Variants in AGO3 observed in about 807,000 individuals in gnomAD.
AGO3 encodes argonaute RISC catalytic component 3.
In AGO3, 16 loss-of-function variants were observed where a neutral mutation model predicts 105.5. That is an observed-to-expected ratio of 0.15 (90% confidence interval 0.10 to 0.23). The LOEUF (loss-of-function observed/expected upper bound fraction) is 0.23, where lower values mean the gene tolerates loss of function less well. Among genes scored for constraint, AGO3 ranks in the 10% least tolerant of loss-of-function variants. The probability of loss-of-function intolerance (pLI) is 1.00; values close to 1 mark genes in which losing one functional copy is unlikely to be tolerated. For missense variants in AGO3, 534 were observed against 1,088.0 expected, an observed-to-expected ratio of 0.49 and a Z score of 7.16; for synonymous variants, 340 against 367.3, an observed-to-expected ratio of 0.93 and a Z score of 0.85.
At chr1:35,991,347 T>C (rs1647631030) in intron 5 of AGO3, among the ~76,000 whole-genome samples, 1 of 152,012 alleles carries the variant, frequency 6.6e-6, no homozygotes, top group African/African-American at 2.4e-5. Flanking sequence ...CTTCATGAGA[T>C]CTGTCTCTTG....
intron 2 of AGO3, among the ~76,000 whole-genome samples, chr1:35,956,679 C>T (rs1349703475): frequency 6.8e-6 from 1 of 146,928 alleles, no homozygotes; most frequent in Non-Finnish European, 1.5e-5. Flanking sequence ...CTCGCTCTGT[C>T]GCCCAGGTTG....
At chr1:35,984,201 G>T (rs553078683) in intron 5 of AGO3, among the ~76,000 whole-genome samples, 2 of 152,272 alleles carry the variant, frequency 1.3e-5, no homozygotes, top group African/African-American at 2.4e-5. Context: ...GGGCACAGGG[G>T]CTCACGCCTG....
intron 3 of AGO3, among the ~76,000 whole-genome samples, chr1:35,970,598 C>G (rs1421827275): frequency 6.6e-6 from 1 of 152,060 alleles, no homozygotes; most frequent in African/African-American, 2.4e-5. Context: ...ATACTGTGTT[C>G]AAGAGTTACT....
chr1:36,001,058 A>G (rs561753360), intron 5 of AGO3, among the ~76,000 whole-genome samples: 5 of 152,244 alleles, frequency 3.3e-5, no homozygotes, highest in African/African-American at 1.2e-4. Flanking sequence ...CAACACGGTG[A>G]AACCCCGTCT....
intron 14 of AGO3, among the ~76,000 whole-genome samples, chr1:36,037,834 A>T (rs374763103): frequency 1.2e-4 from 18 of 152,354 alleles, no homozygotes; most frequent in East Asian, 3.9e-4. Context: ...AACTCAAAAG[A>T]CTTCCTTGGA....
intron 5 of AGO3, chr1:35,982,545 TTC>T (rs78353242): frequency 0.027 from 17,316 of 639,612 alleles, 333 homozygotes; most frequent in Non-Finnish European, 0.033. Flanking sequence ...ATAGGAAAAC[TTC>T]TCTCTATCCT....
chr1:35,972,362 A>G, intron 4 of AGO3, 130 bp downstream of exon 4: 2 of 1,069,920 alleles, frequency 1.9e-6, no homozygotes, highest in South Asian at 1.6e-5. Flanking sequence ...CAAGAATAGC[A>G]TCCATACAAA....
Position 36,063,494 on chromosome 1 carries a change from G to C in AGO3, c.*7749G>C, listed in dbSNP as rs1643049155. 6.6e-6 allele frequency: 1 copy of C among 152,000 alleles called. No individual in the cohort carries two copies. The highest frequency in any genetic ancestry group is 1.5e-5 in the Non-Finnish European group (1 of 67,998). 9.4% of individuals were successfully genotyped at this position (152,000 alleles called of 1,614,324 possible). The stretch of plus-strand genomic sequence containing the variant: ...ATTCAAAATTCATTGAATTGACTTT[G>C]AAATGAAACTTTTCCCCCATAATTT... On this transcript the variant is annotated 3_prime_UTR_variant, in exon 19 of 19. Coordinates refer to ENST00000373191, the MANE Select transcript of AGO3 (RefSeq NM_024852.4).
intron 1 of AGO3, among the ~76,000 whole-genome samples, chr1:35,934,993 GA>G (rs927525994): frequency 2.0e-5 from 3 of 151,856 alleles, no homozygotes; most frequent in Admixed American, 6.6e-5. Context: ...TTGCCTTGAA[GA>G]AAAAAAATCA....
rs935949186 is a variant in AGO3, at chr1:36,034,349, C to T, written c.1751+16C>T. On this transcript the variant is annotated intron_variant, in intron 13 of 18. Transcript: ENST00000373191. ...CTCATCAAAGGTAAGATATGCTAATCGCTTATGAAAATATTATTTTTATAT... is the reference window on the plus strand; with the variant it reads ...CTCATCAAAGGTAAGATATGCTAATTGCTTATGAAAATATTATTTTTATAT... 2.1e-5 allele frequency: 32 copies of T among 1,553,844 alleles called. No homozygotes were observed. Among genetic ancestry groups the T allele is most frequent in the Non-Finnish European group, 2.6e-5 (30 of 1,149,062 alleles).
intron 5 of AGO3, chr1:35,982,579 G>GT: frequency 4.2e-6 from 3 of 714,118 alleles, no homozygotes; most frequent in Non-Finnish European, 7.8e-6. Flanking sequence ...TACTTCAAAG[G>GT]TTTTTAAGAA....
intron 5 of AGO3, among the ~76,000 whole-genome samples, chr1:35,995,067 G>C (rs1399222256): frequency 6.6e-6 from 1 of 151,704 alleles, no homozygotes; most frequent in Non-Finnish European, 1.5e-5. Flanking sequence ...CGGGCATGGT[G>C]GCGTGTGCCT....
rs1279626402 is a variant in AGO3 at position 36,036,121 on chromosome 1, G to T, written c.1752-56G>T. Reference sequence around the variant, plus strand: ...AGTTACGTTGCAATTGTGTGAAACAGATAAATGGATACTGAAAAAATGAAA... The same window carrying T: ...AGTTACGTTGCAATTGTGTGAAACATATAAATGGATACTGAAAAAATGAAA... On this transcript the variant is annotated intron_variant, in intron 13 of 18. Transcript: ENST00000373191. 1.9e-5 allele frequency: 29 copies of T among 1,535,498 alleles called. No homozygotes were observed. In the East Asian group the frequency reaches 3.6e-4, roughly 19 times the overall value.
At chr1:36,013,410 T>G in intron 9 of AGO3, 1 of 501,792 alleles carries the variant, frequency 2.0e-6, no homozygotes. Flanking sequence ...TACATACAAA[T>G]TTTGTATAAA....
At chr1:36,007,517 C>T (rs1318894006) in intron 6 of AGO3, among the ~76,000 whole-genome samples, 3 of 151,978 alleles carry the variant, frequency 2.0e-5, no homozygotes, top group Admixed American at 6.6e-5. Context: ...GCCAACATGG[C>T]GAAACCCCAT....
intron 2 of AGO3, 82 bp downstream of exon 2, chr1:35,945,945 C>G: frequency 7.3e-7 from 1 of 1,378,482 alleles, no homozygotes; most frequent in African/African-American, 1.5e-5. Context: ...ATCTGAATAA[C>G]AATTACAATG....
At chr1:35,991,671 T>C in intron 5 of AGO3, among the ~76,000 whole-genome samples, 1 of 151,844 alleles carries the variant, frequency 6.6e-6, no homozygotes, top group East Asian at 1.9e-4. Context: ...CATCACTCCA[T>C]TTTTAAAATA....
At chr1:35,999,661 A>C (rs952426984) in intron 5 of AGO3, among the ~76,000 whole-genome samples, 5 of 152,192 alleles carry the variant, frequency 3.3e-5, no homozygotes, top group Non-Finnish European at 7.3e-5. Context: ...ATTACATTTT[A>C]AGTAGGTTGC....
In AGO3 at chr1:36,062,234, C is replaced by T. The variant is rs1343646135; in HGVS notation, c.*6489C>T. The T allele has an allele frequency of 6.7e-6, 1 of 148,454 alleles. No individual in the cohort carries two copies. Among genetic ancestry groups the T allele is most frequent in the Non-Finnish European group, 1.5e-5 (1 of 67,716 alleles). The allele number at this position is 148,454 out of a possible 1,614,324, so 9.2% of individuals were successfully genotyped here. On this transcript the variant is annotated 3_prime_UTR_variant, in exon 19 of 19. Transcript: ENST00000373191. ...CTGGAGTGCAGTGGCTCAATCTCAG[C>T]TTACTGCAAACTCCGCCTCCCGGGT... is the stretch of plus-strand genomic sequence containing the variant.
Sources: gnomAD v4.1 joint callset for allele counts (sites outside exome capture counted in the v4.1 genomes callset) on GRCh38, gnomAD v4.1.1 for gene constraint, MANE v1.5 for transcripts, NCBI Gene and HGNC (gene_info 2026-07-23, HGNC 2026-07-21) for gene names.